Variants in RANBP2 observed in about 807,000 individuals in gnomAD.
The protein encoded by RANBP2 is E3 SUMO-protein ligase RanBP2.
A neutral mutation model predicts 303.6 loss-of-function variants in RANBP2; 57 were observed. That is an observed-to-expected ratio of 0.19 (90% CI 0.15 to 0.23). The LOEUF is 0.23. Among genes scored for constraint, RANBP2 ranks in the 10% least tolerant of loss-of-function variants. The pLI, the probability that RANBP2 is intolerant of heterozygous loss-of-function variation, is 1.00. For synonymous variants in RANBP2, 1,167 were observed against 1,301.5 expected (o/e 0.90, Z 2.23); for missense variants, 3,138 against 3,780.8 (o/e 0.83, Z 4.46).
chr2:109,586,293 A>G, the RANBP2 span, among the ~76,000 whole-genome samples: 2 of 152,344 alleles, frequency 1.3e-5, no homozygotes, highest in Non-Finnish European at 2.9e-5. Context: ...CCTACTGGTA[A>G]CAATTACAAG....
At chr2:109,449,546 T>G in the RANBP2 span, 1 of 1,571,130 alleles carries the variant, frequency 6.4e-7, no homozygotes, top group Middle Eastern at 1.7e-4. Flanking sequence ...TACTGTAACT[T>G]TTTGGCACTA....
At chr2:109,049,425 C>T in the RANBP2 span, among the ~76,000 whole-genome samples, 2 of 152,206 alleles carry the variant, frequency 1.3e-5, no homozygotes, top group African/African-American at 2.4e-5. Flanking sequence ...TGTCTCAGCT[C>T]AGAGGCATTT....
At chr2:109,146,020 TATGTGGGCCGACGGAGTCC>T in the RANBP2 span, among the ~76,000 whole-genome samples, 1 of 144,328 alleles carries the variant, frequency 6.9e-6, no homozygotes, top group African/African-American at 2.9e-5. Flanking sequence ...TGTCCTTGTC[TATGTGGGCCGACGGAGTCC>T]ATGCGGGCCG....
the RANBP2 span, among the ~76,000 whole-genome samples, chr2:109,086,541 C>G: frequency 2.0e-5 from 3 of 152,182 alleles, no homozygotes; most frequent in African/African-American, 7.2e-5. Context: ...CCGAGCTGGG[C>G]TGAGCCAAGA....
chr2:108,818,065 G>A, the RANBP2 span, among the ~76,000 whole-genome samples: 1 of 152,194 alleles, frequency 6.6e-6, no homozygotes, highest in Non-Finnish European at 1.5e-5. Context: ...TTGCACTTCG[G>A]GAGGTTGAAG....
At chr2:109,539,949 T>C in the RANBP2 span, among the ~76,000 whole-genome samples, 1 of 152,152 alleles carries the variant, frequency 6.6e-6, no homozygotes, top group Non-Finnish European at 1.5e-5. Context: ...ACTTGGGTTG[T>C]TTCGGGTTTT....
At chr2:109,467,218 C>T in the RANBP2 span, among the ~76,000 whole-genome samples, 1 of 152,266 alleles carries the variant, frequency 6.6e-6, no homozygotes, top group East Asian at 1.9e-4. Flanking sequence ...GTGACAGCCT[C>T]AGACTGGAAA....
chr2:109,281,904 ATGGCCATG>A, the RANBP2 span, among the ~76,000 whole-genome samples: 2 of 152,124 alleles, frequency 1.3e-5, no homozygotes, highest in African/African-American at 4.8e-5. Context: ...GAATGTAGAG[ATGGCCATG>A]TGGCAGGAGC....
the RANBP2 span, among the ~76,000 whole-genome samples, chr2:109,271,864 C>A: frequency 6.6e-6 from 1 of 152,220 alleles, no homozygotes; most frequent in Non-Finnish European, 1.5e-5. Context: ...GTATTGAATG[C>A]GGCTAGAATC....
At chr2:109,650,882 C>A in the RANBP2 span, among the ~76,000 whole-genome samples, 6 of 152,132 alleles carry the variant, frequency 3.9e-5, no homozygotes, top group Non-Finnish European at 7.4e-5. Context: ...ATGTCTTTAT[C>A]AGCAGCATGA....
the RANBP2 span, chr2:109,432,772 G>A: frequency 7.6e-6 from 11 of 1,440,708 alleles, no homozygotes; most frequent in East Asian, 2.5e-5. Context: ...GCCGGGCCCA[G>A]AAGGCAGCAA....
At chr2:109,663,291 A>G in the RANBP2 span, among the ~76,000 whole-genome samples, 1 of 152,164 alleles carries the variant, frequency 6.6e-6, no homozygotes, top group Non-Finnish European at 1.5e-5. Flanking sequence ...CATACTCTGT[A>G]CCTTGTATAT....
At chr2:109,670,523 G>A in the RANBP2 span, among the ~76,000 whole-genome samples, 544 of 152,244 alleles carry the variant, frequency 3.6e-3, 2 homozygotes, top group African/African-American at 0.013. Flanking sequence ...GCACTATCAG[G>A]GACTGCACTG....
chr2:108,721,836 G>T (rs1694277331), intron 1 of RANBP2, among the ~76,000 whole-genome samples: 2 of 152,030 alleles, frequency 1.3e-5, no homozygotes, highest in Admixed American at 6.6e-5. Flanking sequence ...TGACGTCCTG[G>T]GCTCAATCCA....
chr2:109,321,155 C>T, the RANBP2 span, among the ~76,000 whole-genome samples: 1 of 152,374 alleles, frequency 6.6e-6, no homozygotes, highest in African/African-American at 2.4e-5. Flanking sequence ...TGCATGGATG[C>T]ACCTCTCAAA....
At chr2:108,728,595 T>TATGATGATGATGATG (rs56238649) in intron 1 of RANBP2, among the ~76,000 whole-genome samples, 5 of 145,614 alleles carry the variant, frequency 3.4e-5, no homozygotes, top group African/African-American at 1.3e-4. Context: ...CCAGCTTATT[T>TATGATGATGATGATG]ATGATGATGA....
At chr2:108,808,517 A>G in the RANBP2 span, among the ~76,000 whole-genome samples, 3 of 152,278 alleles carry the variant, frequency 2.0e-5, no homozygotes, top group African/African-American at 7.2e-5. Context: ...ATCCTCACCA[A>G]CGTTTATTAC....
chr2:109,223,493 C>G, the RANBP2 span, among the ~76,000 whole-genome samples: 1 of 152,196 alleles, frequency 6.6e-6, no homozygotes, highest in Non-Finnish European at 1.5e-5. Flanking sequence ...CATGTCAGTC[C>G]TAGGTCAGTG....
chr2:108,738,862 T>G (rs1372538921), intron 6 of RANBP2, among the ~76,000 whole-genome samples: 2 of 149,554 alleles, frequency 1.3e-5, no homozygotes, highest in Non-Finnish European at 3.0e-5. Flanking sequence ...ACTCCTGACC[T>G]CAGGTGATCC....
Sources: gnomAD v4.1 joint callset for allele counts (sites outside exome capture counted in the v4.1 genomes callset) on GRCh38, gnomAD v4.1.1 for gene constraint, MANE v1.5 for transcripts, NCBI Gene and HGNC (gene_info 2026-07-23, HGNC 2026-07-21) for gene names.